The following MAP4K3 variants were observed in gnomAD, a reference collection of about 807,000 sequenced individuals.
The protein encoded by MAP4K3 is MAPK/ERK kinase kinase kinase 3.
Under a neutral mutation model 143.5 loss-of-function variants are expected in MAP4K3, and 94 were observed. The ratio of observed to expected loss-of-function variants is 0.65; its 90% CI spans 0.55 to 0.78. The LOEUF (loss-of-function observed/expected upper bound fraction) is 0.78, where lower values mean the gene tolerates loss of function less well. Among genes scored for constraint, MAP4K3 ranks in the 30% least tolerant of loss-of-function variants. MAP4K3 has a pLI of 0.00. For synonymous variants in MAP4K3, 416 were observed against 347.2 expected (o/e 1.20, Z -2.20); for missense variants, 1,077 against 1,068.1 (o/e 1.01, Z -0.12).
At chr2:39,415,952 CAAAAAA>C (rs1192060497) in intron 1 of MAP4K3, among the ~76,000 whole-genome samples, 10 of 2,658 alleles carry the variant, frequency 3.8e-3, no homozygotes, top group Non-Finnish European at 8.7e-3. Context: ...GGCTCTGTCT[CAAAAAA>C]AAAAAAAAAA....
At chr2:39,270,304 C>T (rs1171541276) in intron 26 of MAP4K3, among the ~76,000 whole-genome samples, 1 of 152,166 alleles carries the variant, frequency 6.6e-6, no homozygotes, top group Non-Finnish European at 1.5e-5. Context: ...CTATAGTGAT[C>T]TATAGACTTG....
chr2:39,281,801 A>G (rs2148466620), intron 22 of MAP4K3, among the ~76,000 whole-genome samples: 1 of 150,458 alleles, frequency 6.6e-6, no homozygotes, highest in South Asian at 2.1e-4. Flanking sequence ...TAAAATATTT[A>G]TAATTTAAGT....
At chr2:39,430,509 G>A (rs1260823393) in intron 1 of MAP4K3, among the ~76,000 whole-genome samples, 3 of 151,798 alleles carry the variant, frequency 2.0e-5, no homozygotes, top group Admixed American at 6.6e-5. Context: ...TACATATAAA[G>A]GTGGTATGAA....
chr2:39,275,271 GC>G (rs1462719386), intron 24 of MAP4K3, among the ~76,000 whole-genome samples: 1 of 152,170 alleles, frequency 6.6e-6, no homozygotes, highest in African/African-American at 2.4e-5. Context: ...GACTGCTGGA[GC>G]CCAGAAGTTT....
At chr2:39,330,953 A>C (rs1683663571) in intron 8 of MAP4K3, among the ~76,000 whole-genome samples, 1 of 152,196 alleles carries the variant, frequency 6.6e-6, no homozygotes, top group Non-Finnish European at 1.5e-5. Context: ...GTCATAACGC[A>C]GTATCTGTAA....
chr2:39,314,102 T>A (rs186416428), intron 13 of MAP4K3, among the ~76,000 whole-genome samples: 1 of 152,244 alleles, frequency 6.6e-6, no homozygotes, highest in African/African-American at 2.4e-5. Context: ...GGATTTCAAC[T>A]CACTGCAAAC....
intron 12 of MAP4K3, among the ~76,000 whole-genome samples, chr2:39,320,610 C>G (rs1683268579): frequency 6.6e-6 from 1 of 151,860 alleles, no homozygotes; most frequent in Non-Finnish European, 1.5e-5. Context: ...CAACTTCATA[C>G]AGGAATATTC....
At chr2:39,426,589 T>C (rs1665094955) in intron 1 of MAP4K3, among the ~76,000 whole-genome samples, 1 of 152,042 alleles carries the variant, frequency 6.6e-6, no homozygotes, top group Non-Finnish European at 1.5e-5. Flanking sequence ...AATATGTATA[T>C]ATACAGAGAA....
chr2:39,424,172 G>A (rs1463130889), intron 1 of MAP4K3, among the ~76,000 whole-genome samples: 1 of 152,130 alleles, frequency 6.6e-6, no homozygotes, highest in Non-Finnish European at 1.5e-5. Context: ...TCGAACTCCT[G>A]ACCTCAGGTG....
At chr2:39,370,307 T>G (rs1216871684) in intron 2 of MAP4K3, among the ~76,000 whole-genome samples, 1 of 152,202 alleles carries the variant, frequency 6.6e-6, no homozygotes, top group Non-Finnish European at 1.5e-5. Context: ...TCATGAATGA[T>G]GTAACAACTA....
rs537344763 is a variant in MAP4K3, at chr2:39,352,164, G to A, written c.245+4085C>T. Among the ~76,000 whole-genome samples the A allele has an allele frequency of 1.6e-4, 25 of 152,102 alleles. No individual in the cohort carries two copies. In the East Asian group the frequency reaches 4.5e-3, roughly 27 times the overall value. Reference sequence around the variant, plus strand: ...AAATTAGCTGGGTGTGGTAGCGTGCGCCCGTAATCCCAGCTACTCGGGAGG... The same window carrying A: ...AAATTAGCTGGGTGTGGTAGCGTGCACCCGTAATCCCAGCTACTCGGGAGG... On this transcript the variant is annotated intron_variant, in intron 3 of 33. Transcript: ENST00000263881.
chr2:39,414,819 G>A (rs1415748822), intron 1 of MAP4K3, among the ~76,000 whole-genome samples: 2 of 151,960 alleles, frequency 1.3e-5, no homozygotes, highest in African/African-American at 4.8e-5. Flanking sequence ...AGAGGTTGCA[G>A]TGAGCTGAGA....
At chr2:39,350,731 G>C (rs1170707260) in intron 3 of MAP4K3, among the ~76,000 whole-genome samples, 2 of 152,030 alleles carry the variant, frequency 1.3e-5, no homozygotes, top group Non-Finnish European at 2.9e-5. Context: ...CTCCACCCTA[G>C]GTCCATCCTC....
At chr2:39,415,685 C>T (rs1012675869) in intron 1 of MAP4K3, among the ~76,000 whole-genome samples, 51 of 151,606 alleles carry the variant, frequency 3.4e-4, no homozygotes, top group Non-Finnish European at 8.8e-5. Context: ...GGCACGGTGG[C>T]TCACGCCTAT....
intron 26 of MAP4K3, 83 bp from the exon 27 acceptor site, chr2:39,267,330 A>T (rs1345099461): frequency 2.0e-6 from 2 of 1,008,006 alleles, no homozygotes; most frequent in Admixed American, 1.7e-5. Flanking sequence ...TCAGTGCACA[A>T]AGGATGAGTT....
At chr2:39,385,262 A>G (rs923982123) in intron 1 of MAP4K3, among the ~76,000 whole-genome samples, 1 of 152,044 alleles carries the variant, frequency 6.6e-6, no homozygotes, top group Non-Finnish European at 1.5e-5. Context: ...AAATTGCCCA[A>G]CTTTCCAGAG....
At chr2:39,432,682 T>C (rs766936919) in intron 1 of MAP4K3, among the ~76,000 whole-genome samples, 2 of 152,228 alleles carry the variant, frequency 1.3e-5, no homozygotes, top group East Asian at 1.9e-4. Context: ...TCTATGATGA[T>C]ATTAAATAGA....
rs79475183 is a variant in MAP4K3 at position 39,387,650 on chromosome 2, C to T, written c.97-9527G>A. Among the ~76,000 whole-genome samples, 262 of 152,192 alleles carry T rather than the reference C, an allele frequency of 1.7e-3. 6 individuals are homozygous for T. In the East Asian group the frequency reaches 0.023, roughly 13 times the overall value. On this transcript the variant is annotated intron_variant, in intron 1 of 33. Transcript: ENST00000263881. ...TGAAGTTTTGAAGAAATAGAAAAGA[C>T]GCAATGAAGAGACAATCAATAAAGA...
At chr2:39,340,941 A>G (rs1665120420) in intron 4 of MAP4K3, among the ~76,000 whole-genome samples, 1 of 152,186 alleles carries the variant, frequency 6.6e-6, no homozygotes, top group African/African-American at 2.4e-5. Context: ...TTGAAGAGAC[A>G]TGAAGACCTA....
Sources: gnomAD v4.1 joint callset for allele counts (sites outside exome capture counted in the v4.1 genomes callset) on GRCh38, gnomAD v4.1.1 for gene constraint, MANE v1.5 for transcripts, NCBI Gene and HGNC (gene_info 2026-07-23, HGNC 2026-07-21) for gene names.